Variants in EXT2 observed in about 807,000 individuals in gnomAD.
EXT2 encodes the protein exostosin-2.
A neutral mutation model predicts 81.6 loss-of-function variants in EXT2; 53 were observed. The observed-to-expected ratio is 0.65, with a 90% CI of 0.52 to 0.82. The LOEUF (loss-of-function observed/expected upper bound fraction) is 0.82, where lower values mean the gene tolerates loss of function less well. Among genes scored for constraint, EXT2 ranks in the 40% least tolerant of loss-of-function variants. The pLI is 0.00. For synonymous variants in EXT2, 320 were observed against 340.0 expected (o/e 0.94, Z 0.65); for missense variants, 774 against 910.2 (o/e 0.85, Z 1.93).
chr11:44,130,411 G>A lies in EXT2; in HGVS notation c.1173+273G>A, dbSNP rs553514408. ...AAAGCTGAAGCTCTTTGGAGGGTTTGTAGTCACAGCAGGTGATAGTCGTAG... is the reference window on the plus strand; with the variant it reads ...AAAGCTGAAGCTCTTTGGAGGGTTTATAGTCACAGCAGGTGATAGTCGTAG... On this transcript the variant is annotated intron_variant, in intron 7 of 13. Transcript: ENST00000533608. Among the ~76,000 whole-genome samples, 10 of 152,336 alleles carry A rather than the reference G, an allele frequency of 6.6e-5. No homozygotes were observed. The South Asian group carries it at 1.0e-3, about 16-fold the overall frequency.
intron 13 of EXT2, among the ~76,000 whole-genome samples, chr11:44,240,750 T>C (rs151299835): frequency 4.6e-5 from 7 of 152,290 alleles, no homozygotes; most frequent in African/African-American, 1.7e-4. Context: ...TATTAAAAAT[T>C]GAGTCACTGA....
intron 4 of EXT2, among the ~76,000 whole-genome samples, chr11:44,117,788 C>T (rs769001066): frequency 3.3e-5 from 5 of 152,278 alleles, no homozygotes; most frequent in Non-Finnish European, 7.4e-5. Context: ...GACGAGGTCT[C>T]GCTCTGTCAC....
intron 10 of EXT2, among the ~76,000 whole-genome samples, chr11:44,227,598 GC>G (rs1203025905): frequency 1.3e-5 from 2 of 152,202 alleles, no homozygotes; most frequent in South Asian, 2.1e-4. Context: ...AATCTAGGCT[GC>G]CCCCTGTGGG....
At chr11:44,140,644 T>C (rs891125054) in intron 7 of EXT2, among the ~76,000 whole-genome samples, 2 of 152,172 alleles carry the variant, frequency 1.3e-5, no homozygotes, top group African/African-American at 4.8e-5. Context: ...ATCCTTACTC[T>C]CCTTCTCCTT....
At chr11:44,108,337 G>C (rs1954093305) in intron 2 of EXT2, 89 bp downstream of exon 2, 3 of 1,417,984 alleles carry the variant, frequency 2.1e-6, no homozygotes, top group Non-Finnish European at 2.9e-6. Flanking sequence ...GAATGCTTCT[G>C]CTCTTGAGTT....
Position 44,107,909 on chromosome 11 carries a change from T to A in EXT2, c.197T>A (p.Val66Glu). The part of the protein sequence containing the change: ...WNVEKRSIRD[V>E]PVVRLPADSP... ...GTAGAGAAGCGCAGCATCCGTGATG[T>A]GCCGGTTGTTAGGCTGCCAGCCGAC... The change falls in exon 2 of 14, where the codon GTG becomes GAG. Residue 66 changes from valine (V) to glutamate (E), a missense_variant. This residue lies in a region of EXT2 where 626 missense variants were observed against 670.5 expected (regional missense o/e 0.93). Coordinates refer to ENST00000533608, the MANE Select transcript of EXT2 (RefSeq NM_207122.2). 1 of 1,614,228 alleles carries A rather than the reference T, an allele frequency of 6.2e-7. No individual in the cohort carries two copies. Among genetic ancestry groups the A allele is most frequent in the Non-Finnish European group, 8.5e-7 (1 of 1,180,040 alleles).
chr11:44,130,159 G>A, intron 7 of EXT2, 21 bp downstream of exon 7: 1 of 1,591,786 alleles, frequency 6.3e-7, no homozygotes. Flanking sequence ...AAGTCTTGGG[G>A]AGGTGACATG....
intron 4 of EXT2, among the ~76,000 whole-genome samples, chr11:44,118,546 C>G (rs1954255715): frequency 6.6e-6 from 1 of 152,108 alleles, no homozygotes; most frequent in South Asian, 2.1e-4. Context: ...CATTAGTCCA[C>G]TAAATAGAAA....
chr11:44,238,709 A>G (rs1013638010), intron 13 of EXT2, among the ~76,000 whole-genome samples: 6 of 152,206 alleles, frequency 3.9e-5, no homozygotes, highest in African/African-American at 1.4e-4. Context: ...GTGACACTTG[A>G]AGTGATCCTT....
At chr11:44,241,750 T>C (rs1956039889) in intron 13 of EXT2, among the ~76,000 whole-genome samples, 2 of 152,232 alleles carry the variant, frequency 1.3e-5, no homozygotes, top group African/African-American at 4.8e-5. Flanking sequence ...GAATGGTTAC[T>C]GACATGGTAG....
rs750289155 is a variant in EXT2 at position 44,126,818 on chromosome 11, G to A, written c.942G>A (p.Glu314=). The A allele has an allele frequency of 9.3e-6, 15 of 1,614,180 alleles. No individual in the cohort carries two copies. The highest frequency in any genetic ancestry group is 1.3e-5 in the Non-Finnish European group (15 of 1,180,036). Residue 314 remains glutamate, a splice_region_variant and synonymous_variant, in exon 6 of 14, where the codon GAG becomes GAA. Coordinates refer to ENST00000533608, the MANE Select transcript of EXT2 (RefSeq NM_207122.2). ...CTTGCCTCTTTGTGTTCCTGCAGGA[G>A]GCTACTTTCTGTGTGGTTCTTCGTG... ...QVFDYPQVLQ[E]ATFCVVLRGA...
At chr11:44,134,443 G>C (rs908609641) in intron 7 of EXT2, among the ~76,000 whole-genome samples, 1 of 152,196 alleles carries the variant, frequency 6.6e-6, no homozygotes, top group Non-Finnish European at 1.5e-5. Flanking sequence ...AAATGGAAGG[G>C]AGAAAGTTGG....
intron 7 of EXT2, among the ~76,000 whole-genome samples, chr11:44,162,905 G>A (rs971270044): frequency 4.6e-5 from 7 of 152,138 alleles, no homozygotes; most frequent in African/African-American, 1.4e-4. Flanking sequence ...GCGGCAAGGT[G>A]TTTTACATAC....
intron 8 of EXT2, among the ~76,000 whole-genome samples, chr11:44,181,674 T>A (rs897917750): frequency 2.6e-5 from 4 of 152,214 alleles, no homozygotes; most frequent in African/African-American, 9.6e-5. Context: ...TCTTATAACT[T>A]CCTAATTTTG....
At chr11:44,230,062 G>A (rs893994072) in intron 10 of EXT2, among the ~76,000 whole-genome samples, 5 of 152,222 alleles carry the variant, frequency 3.3e-5, no homozygotes, top group East Asian at 1.9e-4. Context: ...GGGGTGTAGC[G>A]AGGAGTGGCT....
At chr11:44,184,498 TC>T (rs1243941549) in intron 8 of EXT2, among the ~76,000 whole-genome samples, 1 of 152,110 alleles carries the variant, frequency 6.6e-6, no homozygotes, top group Non-Finnish European at 1.5e-5. Flanking sequence ...ACGCCTATAA[TC>T]CCAGCACTTT....
chr11:44,243,531 A>T lies in EXT2; in HGVS notation c.2019-618A>T, dbSNP rs530821664. 2.6e-5 allele frequency among the ~76,000 whole-genome samples: 4 copies of T among 151,992 alleles called. No individual in the cohort carries two copies. The South Asian group carries it at 8.3e-4, about 32-fold the overall frequency. ...CACAGAAGATTGTGCAGATTGACATAATTCCCAGAAATTGCCACTTACAGG... is the reference window on the plus strand; with the variant it reads ...CACAGAAGATTGTGCAGATTGACATTATTCCCAGAAATTGCCACTTACAGG... On this transcript the variant is annotated intron_variant, in intron 13 of 13. Transcript: ENST00000533608.
intron 10 of EXT2, among the ~76,000 whole-genome samples, chr11:44,213,882 C>T (rs575307053): frequency 6.6e-6 from 1 of 152,232 alleles, no homozygotes; most frequent in South Asian, 2.1e-4. Context: ...GAAGCTGAAC[C>T]AACCACCAAC....
chr11:44,244,073 C>G, intron 13 of EXT2, 76 bp from the exon 14 acceptor site: 1 of 1,330,228 alleles, frequency 7.5e-7, no homozygotes, highest in Non-Finnish European at 1.1e-6. Flanking sequence ...CTTGAACATA[C>G]TATCTTTTCT....
Sources: allele counts gnomAD v4.1 joint callset (sites outside exome capture counted in the v4.1 genomes callset), GRCh38; gene constraint gnomAD v4.1.1; regional missense constraint gnomAD v4.1.1; transcripts MANE v1.5; gene names NCBI Gene and HGNC (gene_info 2026-07-23, HGNC 2026-07-21).